Variants in MAN1A2 observed in about 807,000 individuals in gnomAD.
MAN1A2 encodes the protein mannosyl-oligosaccharide 1,2-alpha-mannosidase IB.
MAN1A2 carries 26 observed loss-of-function variants against 75.7 expected under a neutral mutation model. The observed-to-expected ratio is 0.34, with a 90% CI of 0.25 to 0.48. MAN1A2 has a LOEUF of 0.48. MAN1A2 is among the 20% of genes least tolerant of loss of function. The probability of loss-of-function intolerance (pLI) is 0.99; values close to 1 mark genes in which losing one functional copy is unlikely to be tolerated. For missense variants in MAN1A2, 562 were observed against 775.5 expected (o/e 0.72, Z 3.27); for synonymous variants, 247 against 264.6 (o/e 0.93, Z 0.65).
intron 1 of MAN1A2, among the ~76,000 whole-genome samples, chr1:117,379,458 G>A (rs1031887840): frequency 1.5e-4 from 23 of 152,006 alleles, no homozygotes; most frequent in Non-Finnish European, 8.8e-5. Flanking sequence ...TCTTTCATAA[G>A]CATTTATTTT....
intron 12 of MAN1A2, among the ~76,000 whole-genome samples, chr1:117,520,212 C>T (rs1651830954): frequency 6.6e-6 from 1 of 152,028 alleles, no homozygotes; most frequent in Admixed American, 6.6e-5. Context: ...CCACAGCAAA[C>T]ATAATAGTGA....
At chr1:117,491,471 G>T (rs1356733933) in intron 8 of MAN1A2, among the ~76,000 whole-genome samples, 2 of 151,662 alleles carry the variant, frequency 1.3e-5, no homozygotes, top group Non-Finnish European at 2.9e-5. Context: ...AAGCAAAAAA[G>T]ATCTCTTTCA....
chr1:117,451,853 T>G (rs1649428700), intron 6 of MAN1A2, among the ~76,000 whole-genome samples: 1 of 152,148 alleles, frequency 6.6e-6, no homozygotes, highest in Admixed American at 6.5e-5. Flanking sequence ...TGCAGCATGA[T>G]GGTGCATGCC....
chr1:117,437,563 G>A (rs1469978673), intron 5 of MAN1A2, among the ~76,000 whole-genome samples: 1 of 152,162 alleles, frequency 6.6e-6, no homozygotes, highest in Non-Finnish European at 1.5e-5. Context: ...GTGCGTGTGT[G>A]TGTGTGGTCA....
At chr1:117,447,215 A>G (rs1570751500) in intron 6 of MAN1A2, among the ~76,000 whole-genome samples, 1 of 152,120 alleles carries the variant, frequency 6.6e-6, no homozygotes, top group Non-Finnish European at 1.5e-5. Context: ...ATTCAGTCTG[A>G]CAATATTGAC....
At chr1:117,417,708 T>A (rs61805764) in intron 4 of MAN1A2, among the ~76,000 whole-genome samples, 41,847 of 105,664 alleles carry the variant, frequency 0.4, 6,469 homozygotes, top group African/African-American at 0.48. Flanking sequence ...ACACACACAC[T>A]CTCTCTCTCT....
Position 117,407,019 on chromosome 1 carries a change from T to C in MAN1A2, c.655+1374T>C, listed in dbSNP as rs150957130. Among the ~76,000 whole-genome samples the C allele has an allele frequency of 7.3e-3, 1,114 of 152,216 alleles. 18 individuals carry two copies. The highest frequency in any genetic ancestry group is 0.026 in the African/African-American group (1,067 of 41,538). On this transcript the variant is annotated intron_variant, in intron 3 of 12. Transcript: ENST00000356554. ...GTCCTATCTGTTTATCAGATAAATA[T>C]TGATGCTTTAGTAAACTTTAAAGGT...
chr1:117,376,935 A>T (rs541695827), intron 1 of MAN1A2, among the ~76,000 whole-genome samples: 1 of 152,232 alleles, frequency 6.6e-6, no homozygotes, highest in African/African-American at 2.4e-5. Context: ...GAGAGGTTGT[A>T]CATGGGTTAT....
intron 8 of MAN1A2, among the ~76,000 whole-genome samples, chr1:117,474,093 A>G (rs1650244219): frequency 6.6e-6 from 1 of 152,040 alleles, no homozygotes; most frequent in Admixed American, 6.6e-5. Context: ...TGGGTACAAC[A>G]GGAGAACAGT....
intron 12 of MAN1A2, among the ~76,000 whole-genome samples, chr1:117,511,509 A>G (rs996298519): frequency 1.3e-5 from 2 of 151,934 alleles, no homozygotes; most frequent in African/African-American, 4.8e-5. Context: ...ATCTTCCAGT[A>G]GAATGTAAGC....
At chr1:117,519,551 T>C (rs1413871035) in intron 12 of MAN1A2, among the ~76,000 whole-genome samples, 1 of 151,944 alleles carries the variant, frequency 6.6e-6, no homozygotes, top group African/African-American at 2.4e-5. Flanking sequence ...TGTGAACACC[T>C]TTACACACAT....
At chr1:117,439,944 T>C (rs1648976041) in intron 5 of MAN1A2, among the ~76,000 whole-genome samples, 1 of 152,226 alleles carries the variant, frequency 6.6e-6, no homozygotes, top group East Asian at 1.9e-4. Context: ...ATGCTTATAC[T>C]GATTGAGACA....
At chr1:117,438,698 C>G (rs1463256415) in intron 5 of MAN1A2, among the ~76,000 whole-genome samples, 1 of 152,090 alleles carries the variant, frequency 6.6e-6, no homozygotes, top group African/African-American at 2.4e-5. Context: ...CAAATACTTA[C>G]CATTGTGTTA....
intron 1 of MAN1A2, among the ~76,000 whole-genome samples, chr1:117,397,479 A>T (rs1184564573): frequency 6.6e-6 from 1 of 152,108 alleles, no homozygotes; most frequent in African/African-American, 2.4e-5. Flanking sequence ...AACTGATGCT[A>T]ACACGAAGTT....
chr1:117,410,225 T>C (rs1388729111), intron 3 of MAN1A2, among the ~76,000 whole-genome samples: 1 of 151,986 alleles, frequency 6.6e-6, no homozygotes, highest in Non-Finnish European at 1.5e-5. Flanking sequence ...TGAGTGTATA[T>C]TACATTATGA....
chr1:117,406,612 A>G (rs1290821711), intron 3 of MAN1A2, among the ~76,000 whole-genome samples: 1 of 152,130 alleles, frequency 6.6e-6, no homozygotes, highest in Non-Finnish European at 1.5e-5. Flanking sequence ...GTGGTAGAGG[A>G]GTAAAGGAAA....
chr1:117,455,749 T>C (rs1570757706), intron 6 of MAN1A2, among the ~76,000 whole-genome samples: 1 of 152,126 alleles, frequency 6.6e-6, no homozygotes. Flanking sequence ...ATTGCTTTGG[T>C]ACTGAGAGTG....
intron 12 of MAN1A2, among the ~76,000 whole-genome samples, chr1:117,504,279 A>G (rs1247611683): frequency 6.7e-6 from 1 of 149,846 alleles, no homozygotes; most frequent in Non-Finnish European, 1.5e-5. Flanking sequence ...TCTGTAAACT[A>G]TGGAATTTGG....
intron 1 of MAN1A2, among the ~76,000 whole-genome samples, chr1:117,382,297 G>T (rs575640132): frequency 6.6e-6 from 1 of 152,254 alleles, no homozygotes; most frequent in African/African-American, 2.4e-5. Flanking sequence ...TTTTCTTCTA[G>T]GGTTTTTATG....
Sources: allele counts gnomAD v4.1 joint callset (sites outside exome capture counted in the v4.1 genomes callset), GRCh38; gene constraint gnomAD v4.1.1; transcripts MANE v1.5; gene names NCBI Gene and HGNC (gene_info 2026-07-23, HGNC 2026-07-21).